Variants in UBXN2A observed in about 807,000 individuals in gnomAD.
The protein encoded by UBXN2A is UBX domain protein 2A.
A neutral mutation model predicts 28.4 loss-of-function variants in UBXN2A; 28 were observed. The observed-to-expected ratio is 0.99, with a 90% CI of 0.73 to 1.35. UBXN2A has a LOEUF of 1.35. UBXN2A is among the 40% of genes most tolerant of loss of function. The pLI, the probability that UBXN2A is intolerant of heterozygous loss-of-function variation, is 0.00. For synonymous variants in UBXN2A, 97 were observed against 103.6 expected, an observed-to-expected ratio of 0.94 and a Z score of 0.39; for missense variants, 253 against 297.9, an observed-to-expected ratio of 0.85 and a Z score of 1.11.
chr2:23,933,920 A>T (rs190048026), intron 1 of UBXN2A, among the ~76,000 whole-genome samples: 1 of 152,246 alleles, frequency 6.6e-6, no homozygotes, highest in Non-Finnish European at 1.5e-5. Context: ...GCAAAATCAG[A>T]ACTATTGACA....
intron 6 of UBXN2A, among the ~76,000 whole-genome samples, chr2:23,995,350 G>C (rs1708487860): frequency 6.6e-6 from 1 of 152,014 alleles, no homozygotes; most frequent in South Asian, 2.1e-4. Flanking sequence ...TTGGTCTTCA[G>C]TGCTTTCACA....
At chr2:23,944,089 G>C in intron 1 of UBXN2A, 1 of 670,622 alleles carries the variant, frequency 1.5e-6, no homozygotes, top group South Asian at 1.5e-5. Flanking sequence ...TTGAGCACAG[G>C]GGTCTCTTTT....
chr2:23,952,262 C>T (rs532291408), intron 1 of UBXN2A, among the ~76,000 whole-genome samples: 7 of 151,826 alleles, frequency 4.6e-5, no homozygotes, highest in Non-Finnish European at 1.0e-4. Context: ...CCATCACACC[C>T]GGCTGCTGGG....
chr2:23,928,582 A>T (rs1490007367), intron 1 of UBXN2A, among the ~76,000 whole-genome samples: 15 of 152,200 alleles, frequency 9.9e-5, no homozygotes, highest in Non-Finnish European at 1.9e-4. Flanking sequence ...ATCTCAAAAA[A>T]AAAAAAATAA....
rs1160440950 is a variant in UBXN2A at position 23,962,605 on chromosome 2, C to CT, written c.41+4267dup. Reference sequence around the variant, plus strand: ...GAGGTTTTTTTTTCCTTTTTTTATTCTTTTTTTTTTTTTTTTTGAGACGGA... The same window carrying CT: ...GAGGTTTTTTTTTCCTTTTTTTATTCTTTTTTTTTTTTTTTTTTGAGACGGA... On this transcript the variant is annotated intron_variant, in intron 2 of 6. Transcript: ENST00000309033. Among the ~76,000 whole-genome samples the CT allele has an allele frequency of 7.1e-3, 928 of 130,618 alleles. 5 individuals carry two copies. The highest frequency in any genetic ancestry group is 0.015 in the South Asian group (59 of 3,988). The allele number at this position is 130,618 out of a possible 152,430, so 85.7% of individuals were successfully genotyped here.
At chr2:23,988,637 T>C (rs1257233029) in intron 6 of UBXN2A, among the ~76,000 whole-genome samples, 1 of 152,212 alleles carries the variant, frequency 6.6e-6, no homozygotes, top group Non-Finnish European at 1.5e-5. Context: ...TAAAGTGGTG[T>C]CTACCAGAGT....
chr2:23,945,963 T>G (rs1160623729), intron 1 of UBXN2A, among the ~76,000 whole-genome samples: 1 of 151,736 alleles, frequency 6.6e-6, no homozygotes, highest in Non-Finnish European at 1.5e-5. Context: ...CCCGAGTAGC[T>G]GGGGATTATA....
At chr2:23,962,982 A>G (rs1162153395) in intron 2 of UBXN2A, among the ~76,000 whole-genome samples, 1 of 152,238 alleles carries the variant, frequency 6.6e-6, no homozygotes, top group Non-Finnish European at 1.5e-5. Flanking sequence ...AAGGCAAGGA[A>G]GAGCAAGTTA....
chr2:23,949,841 C>T (rs998968256), intron 1 of UBXN2A, among the ~76,000 whole-genome samples: 7 of 151,020 alleles, frequency 4.6e-5, no homozygotes, highest in Admixed American at 4.6e-4. Context: ...CACCACTGCA[C>T]TCTAGCCTGG....
At position 24,003,633 on chromosome 2, in the gene UBXN2A, G is replaced by A. The variant is rs1229313679; in HGVS notation, c.*3766G>A. 1.3e-5 allele frequency: 2 copies of A among 148,812 alleles called. No homozygotes were observed. Among genetic ancestry groups the A allele is most frequent in the Non-Finnish European group, 3.0e-5 (2 of 67,692 alleles). 9.2% of individuals were successfully genotyped at this position (148,812 alleles called of 1,614,324 possible). On this transcript the variant is annotated 3_prime_UTR_variant, in exon 7 of 7. Transcript: ENST00000309033. The stretch of plus-strand genomic sequence containing the variant: ...GTCCATTACTCTTAGAAATGAACAG[G>A]TACATAATAGAAAATAAATAATTAT...
chr2:23,949,888 T>G (rs763571695), intron 1 of UBXN2A, among the ~76,000 whole-genome samples: 1 of 139,168 alleles, frequency 7.2e-6, no homozygotes, highest in African/African-American at 2.6e-5. Context: ...AAAAAAAAAA[T>G]TATTTGTATA....
chr2:23,930,522 T>A (rs140808616), intron 1 of UBXN2A, among the ~76,000 whole-genome samples: 1 of 152,108 alleles, frequency 6.6e-6, no homozygotes, highest in Non-Finnish European at 1.5e-5. Flanking sequence ...ACCCCTGAGA[T>A]ACGTGTTGAA....
chr2:23,947,369 A>G lies in UBXN2A; in HGVS notation c.-15+6721A>G, dbSNP rs76568315. 6.3e-4 allele frequency among the ~76,000 whole-genome samples: 96 copies of G among 152,334 alleles called. 2 individuals are homozygous for G. In the East Asian group the frequency reaches 0.018, roughly 28 times the overall value. ...CGGTAAACTGTGATATGCTATATCA[A>G]TGTAAGATGATGGTGATAGTTGGAA... On this transcript the variant is annotated intron_variant, in intron 1 of 6. Transcript: ENST00000309033.
chr2:23,960,627 A>G (rs1040680988), intron 2 of UBXN2A, among the ~76,000 whole-genome samples: 11 of 152,078 alleles, frequency 7.2e-5, no homozygotes, highest in African/African-American at 2.7e-4. Context: ...GCCCCTGACA[A>G]CCATGAAACT....
At chr2:23,945,148 T>TC (rs1489815046) in intron 1 of UBXN2A, among the ~76,000 whole-genome samples, 2 of 152,142 alleles carry the variant, frequency 1.3e-5, no homozygotes, top group Admixed American at 6.6e-5. Flanking sequence ...AATGAGAATG[T>TC]CCTGGAATGG....
intron 2 of UBXN2A, among the ~76,000 whole-genome samples, chr2:23,966,458 T>C (rs1238078839): frequency 7.0e-6 from 1 of 142,002 alleles, no homozygotes; most frequent in Non-Finnish European, 1.5e-5. Flanking sequence ...CTTTTTTTCT[T>C]TTTTTTTTTT....
intron 6 of UBXN2A, chr2:23,996,690 T>G (rs959915173): frequency 6.6e-6 from 1 of 151,400 alleles, no homozygotes; most frequent in African/African-American, 2.4e-5. Flanking sequence ...TTGGTCAGGC[T>G]GGTCTCGAAC....
At position 23,983,049 on chromosome 2, in the gene UBXN2A, G is replaced by A. The variant is rs373379438; in HGVS notation, c.425+16G>A. On this transcript the variant is annotated intron_variant, in intron 5 of 6. Coordinates refer to ENST00000309033, the MANE Select transcript of UBXN2A (RefSeq NM_181713.4). ...GACTAGGAAGGTAAATATGCCTATTGTCTTGTTTTGCATAGATCAAGGCTT... is the reference window on the plus strand; with the variant it reads ...GACTAGGAAGGTAAATATGCCTATTATCTTGTTTTGCATAGATCAAGGCTT... 9.5e-6 allele frequency: 15 copies of A among 1,583,816 alleles called. No individual in the cohort carries two copies. The African/African-American group carries it at 2.0e-4, about 21-fold the overall frequency.
intron 2 of UBXN2A, among the ~76,000 whole-genome samples, chr2:23,963,456 A>G (rs1707024424): frequency 6.7e-6 from 1 of 149,162 alleles, no homozygotes; most frequent in Admixed American, 6.8e-5. Flanking sequence ...TGAGTGAAAG[A>G]GTGAGACAGT....
Sources: gnomAD v4.1 joint callset for allele counts (sites outside exome capture counted in the v4.1 genomes callset) on GRCh38, gnomAD v4.1.1 for gene constraint, MANE v1.5 for transcripts, NCBI Gene and HGNC (gene_info 2026-07-23, HGNC 2026-07-21) for gene names.